Variants in GFRA2 observed in about 807,000 individuals in gnomAD.
The protein encoded by GFRA2 is GDNF family receptor alpha-2.
In GFRA2, 17 loss-of-function variants were observed where a neutral mutation model predicts 48.3. The observed-to-expected ratio is 0.35, with a 90% CI of 0.24 to 0.53. The LOEUF is 0.53. GFRA2 is among the 20% of genes least tolerant of loss of function. The pLI, the probability that GFRA2 is intolerant of heterozygous loss-of-function variation, is 0.93. For missense variants in GFRA2, 660 were observed against 637.3 expected (o/e 1.04, Z -0.38); for synonymous variants, 305 against 257.2 (o/e 1.19, Z -1.78).
chr8:21,737,222 A>G (rs901602590), intron 4 of GFRA2, among the ~76,000 whole-genome samples: 2 of 152,148 alleles, frequency 1.3e-5, no homozygotes, highest in African/African-American at 2.4e-5. Context: ...ACAAAAATTA[A>G]TCAGGCATTG....
intron 4 of GFRA2, among the ~76,000 whole-genome samples, chr8:21,742,940 T>C (rs1411832825): frequency 6.6e-6 from 1 of 152,216 alleles, no homozygotes; most frequent in Non-Finnish European, 1.5e-5. Context: ...TGCCAAGCAG[T>C]AGCAGCCACA....
chr8:21,755,047 G>T (rs1281417428), intron 3 of GFRA2, among the ~76,000 whole-genome samples: 2 of 152,200 alleles, frequency 1.3e-5, no homozygotes, highest in South Asian at 2.1e-4. Flanking sequence ...ATCAGTGGCT[G>T]CCAGGAGTCA....
intron 3 of GFRA2, among the ~76,000 whole-genome samples, chr8:21,751,195 T>C (rs1805277227): frequency 6.6e-6 from 1 of 152,166 alleles, no homozygotes; most frequent in African/African-American, 2.4e-5. Flanking sequence ...AGCTGTACCA[T>C]GGCAATCTAG....
At chr8:21,803,759 A>G (rs1807810909) in intron 2 of GFRA2, among the ~76,000 whole-genome samples, 2 of 152,154 alleles carry the variant, frequency 1.3e-5, no homozygotes, top group African/African-American at 4.8e-5. Flanking sequence ...CAGCCTCCCA[A>G]GTAGCTGGGA....
intron 4 of GFRA2, among the ~76,000 whole-genome samples, chr8:21,743,158 G>A (rs542156278): frequency 1.3e-5 from 2 of 152,124 alleles, no homozygotes; most frequent in Non-Finnish European, 2.9e-5. Flanking sequence ...ACCAGCAACA[G>A]CAGCCACATG....
intron 4 of GFRA2, among the ~76,000 whole-genome samples, chr8:21,745,398 G>A (rs1044844292): frequency 6.6e-6 from 1 of 152,224 alleles, no homozygotes; most frequent in African/African-American, 2.4e-5. Flanking sequence ...CCTAGGAGAT[G>A]CCAAGGGCTG....
chr8:21,805,037 C>CT (rs1807834647), exon 2 of GFRA2: 1 of 152,260 alleles, frequency 6.6e-6, no homozygotes, highest in African/African-American at 2.4e-5. Context: ...CCTCCTTAGA[C>CT]ACACAATGCA....
intron 7 of GFRA2, among the ~76,000 whole-genome samples, chr8:21,700,960 T>TA (rs1225549938): frequency 6.6e-6 from 1 of 151,806 alleles, no homozygotes; most frequent in Admixed American, 6.6e-5. Flanking sequence ...TGGTCCAAGC[T>TA]AGGGGAGCTG....
chr8:21,750,607 G>T lies in GFRA2; in HGVS notation c.775C>A (p.Arg259=). The change falls in exon 4 of 9, where the codon CGG becomes AGG. Residue 259 remains arginine, a synonymous_variant. Transcript: ENST00000524240. This position sits in a 1 kb window ranked among gnomAD's most constrained non-coding sequence, Gnocchi z 5.7. ...ACTCACCGACACAGGTGGTCAGTCC[G>T]GCACACGCCACGCAGGTCCAGGCAG... ...PNCLDLRGVC[R]TDHLCRSRLA... is the part of the protein sequence containing the mutation. 1 of 1,607,412 alleles carries T rather than the reference G, an allele frequency of 6.2e-7. No homozygotes were observed. Among genetic ancestry groups the T allele is most frequent in the East Asian group, 2.2e-5 (1 of 44,606 alleles).
At chr8:21,753,378 C>T (rs1805392306) in intron 3 of GFRA2, among the ~76,000 whole-genome samples, 1 of 152,240 alleles carries the variant, frequency 6.6e-6, no homozygotes, top group South Asian at 2.1e-4. Context: ...GAGGCCGAGG[C>T]AGGCAGATCA....
chr8:21,790,088 G>C (rs1198763906), upstream of GFRA2: 1 of 985,212 alleles, frequency 1.0e-6, no homozygotes, highest in Non-Finnish European at 1.2e-6. Flanking sequence ...TTTAGTCGCA[G>C]AATTTACAAT....
At chr8:21,711,889 G>C (rs1803053049) in intron 4 of GFRA2, among the ~76,000 whole-genome samples, 1 of 152,132 alleles carries the variant, frequency 6.6e-6, no homozygotes, top group Non-Finnish European at 1.5e-5. Flanking sequence ...GACTCTTAAA[G>C]AGCATGCTGC....
chr8:21,794,650 T>C (rs995245774), intron 2 of GFRA2, among the ~76,000 whole-genome samples: 1 of 152,202 alleles, frequency 6.6e-6, no homozygotes, highest in Non-Finnish European at 1.5e-5. Context: ...GAAAGGATTC[T>C]GTCAGGTGCC....
intron 3 of GFRA2, among the ~76,000 whole-genome samples, chr8:21,751,754 C>G (rs1274070292): frequency 2.6e-5 from 4 of 152,162 alleles, no homozygotes; most frequent in African/African-American, 9.7e-5. Context: ...GACTGACTGA[C>G]CACTTACAGC....
chr8:21,742,635 G>A (rs1480383586), intron 4 of GFRA2, among the ~76,000 whole-genome samples: 1 of 152,224 alleles, frequency 6.6e-6, no homozygotes, highest in Non-Finnish European at 1.5e-5. Flanking sequence ...AGACCAGGGT[G>A]GCTGAAAGTG....
chr8:21,796,332 C>T (rs1807676165), intron 2 of GFRA2, among the ~76,000 whole-genome samples: 1 of 152,260 alleles, frequency 6.6e-6, no homozygotes, highest in African/African-American at 2.4e-5. Context: ...GAGGTCAAGG[C>T]AGAATCAAGG....
At chr8:21,739,535 C>T (rs1371657687) in intron 4 of GFRA2, among the ~76,000 whole-genome samples, 1 of 152,188 alleles carries the variant, frequency 6.6e-6, no homozygotes, top group African/African-American at 2.4e-5. Context: ...GATAACAGGG[C>T]TACCTGCATG....
At chr8:21,795,363 T>TC (rs1807650686) in intron 2 of GFRA2, among the ~76,000 whole-genome samples, 1 of 151,034 alleles carries the variant, frequency 6.6e-6, no homozygotes. Context: ...CTTTTTTTTT[T>TC]CTTTTTTCTT....
upstream of GFRA2, among the ~76,000 whole-genome samples, chr8:21,789,638 C>G (rs374979424): frequency 1.3e-4 from 20 of 152,044 alleles, no homozygotes; most frequent in East Asian, 3.9e-4. Flanking sequence ...ACGCATCCTG[C>G]CGGCCCCGGC....
Sources: gnomAD v4.1 joint callset for allele counts (sites outside exome capture counted in the v4.1 genomes callset) on GRCh38, gnomAD v4.1.1 for gene constraint, Gnocchi (gnomAD v3.1) non-coding constraint, MANE v1.5 for transcripts, NCBI Gene and HGNC (gene_info 2026-07-23, HGNC 2026-07-21) for gene names.